The following FAM120A variants were observed in gnomAD, a reference collection of about 807,000 sequenced individuals.
The protein encoded by FAM120A is family with sequence similarity 120 member A, also known as constitutive coactivator of PPAR-gamma-like protein 1.
In FAM120A, 15 loss-of-function variants were observed where a neutral mutation model predicts 109.7. The ratio of observed to expected loss-of-function variants is 0.14; its 90% CI spans 0.09 to 0.21. FAM120A has a LOEUF of 0.21. Among genes scored for constraint, FAM120A ranks in the 10% least tolerant of loss-of-function variants. The pLI is 1.00. For synonymous variants in FAM120A, 493 were observed against 572.8 expected (o/e 0.86, Z 1.99); for missense variants, 899 against 1,439.3 (o/e 0.62, Z 6.07).
At chr9:93,558,517 C>G in intron 14 of FAM120A, 64 bp from the exon 15 acceptor site, 2 of 1,579,846 alleles carry the variant, frequency 1.3e-6, no homozygotes, top group Non-Finnish European at 1.7e-6. Context: ...GCCTGAATAC[C>G]CAGCAGGGCC....
intron 7 of FAM120A, among the ~76,000 whole-genome samples, chr9:93,521,943 G>A (rs1182095236): frequency 2.0e-5 from 3 of 152,158 alleles, no homozygotes; most frequent in African/African-American, 7.2e-5. Context: ...AGCTGGACGT[G>A]GTTGTGTTTG....
chr9:93,470,771 T>C (rs1453507467), intron 1 of FAM120A, among the ~76,000 whole-genome samples: 3 of 152,230 alleles, frequency 2.0e-5, no homozygotes, highest in Non-Finnish European at 4.4e-5. Context: ...GTCTCCTTTC[T>C]CACAGAACTC....
chr9:93,549,199 T>C (rs550897588), intron 11 of FAM120A, among the ~76,000 whole-genome samples: 1 of 152,380 alleles, frequency 6.6e-6, no homozygotes, highest in Non-Finnish European at 1.5e-5. Flanking sequence ...CACTCTTTTA[T>C]GTATCTCATC....
In FAM120A at chr9:93,564,378, C is replaced by A. The variant is rs370300082; in HGVS notation, c.3195C>A (p.Asn1065Lys). Reference sequence around the variant, plus strand: ...AGGAGAAGCCGGCTCCCCAGATGAACGGGAGCACGGGTGACGCCAGGGCCC... The same window carrying A: ...AGGAGAAGCCGGCTCCCCAGATGAAAGGGAGCACGGGTGACGCCAGGGCCC... ...MAEEKPAPQM[N>K]GSTGDARAPS... The change falls in exon 18 of 18, where the codon AAC becomes AAA. Residue 1065 changes from asparagine to lysine, a missense_variant. By Grantham distance (94) the Asn-to-Lys change is moderately conservative (BLOSUM62 0). Around this residue, in one of 11 missense-constraint regions of FAM120A, gnomAD observed 170 missense variants for 205.0 expected, o/e 0.83. Transcript: ENST00000277165. The A allele has an allele frequency of 6.2e-7, 1 of 1,612,658 alleles. No individual in the cohort carries two copies. Among genetic ancestry groups the A allele is most frequent in the Admixed American group, 1.7e-5 (1 of 60,024 alleles).
intron 1 of FAM120A, among the ~76,000 whole-genome samples, chr9:93,465,096 G>A (rs1402004935): frequency 6.6e-6 from 1 of 152,172 alleles, no homozygotes; most frequent in East Asian, 1.9e-4. Context: ...AACAGCAGGG[G>A]AGCTCAAGTC....
intron 7 of FAM120A, among the ~76,000 whole-genome samples, chr9:93,523,067 G>T (rs1860910839): frequency 6.6e-6 from 1 of 152,186 alleles, no homozygotes; most frequent in Non-Finnish European, 1.5e-5. Context: ...TATTAAATTA[G>T]CTGATGAAAA....
chr9:93,453,436 G>A (rs892093846), intron 1 of FAM120A: 2 of 985,260 alleles, frequency 2.0e-6, no homozygotes, highest in East Asian at 1.1e-4. Context: ...AAATTTTGGG[G>A]GCCTTTTTGT....
At chr9:93,561,084 G>C in intron 15 of FAM120A, 25 bp from the exon 16 acceptor site, 1 of 1,609,760 alleles carries the variant, frequency 6.2e-7, no homozygotes, top group Non-Finnish European at 8.5e-7. Context: ...TAAAGATTTT[G>C]TCTTTTTGTA....
rs1225192154 is a variant in FAM120A at position 93,515,590 on chromosome 9, GGGCTGGCCCCCAGGATGCCCT to G, written c.1031-74_1031-54del. The G allele has an allele frequency of 2.8e-5, 9 of 319,546 alleles. No individual in the cohort carries two copies. In the East Asian group the frequency reaches 4.0e-4, roughly 14 times the overall value. 19.8% of individuals were successfully genotyped at this position (319,546 alleles called of 1,614,324 possible). On this transcript the variant is annotated intron_variant, in intron 5 of 17. Coordinates refer to ENST00000277165, the MANE Select transcript of FAM120A (RefSeq NM_014612.5). ...GTGAGGGTGAGATCCCTGGCGCCAT[GGGCTGGCCCCCAGGATGCCCT>G]GGAAAACGCATTCTGTTCACAGCTG...
rs1358656236 is a variant in FAM120A at position 93,565,553 on chromosome 9, C to G, written c.*1013C>G. 1 of 152,222 alleles carries G rather than the reference C, an allele frequency of 6.6e-6. No homozygotes were observed. The highest frequency in any genetic ancestry group is 1.9e-4 in the East Asian group (1 of 5,200). 9.4% of individuals were successfully genotyped at this position (152,222 alleles called of 1,614,324 possible). A position where few individuals can be genotyped will look rare whatever the true frequency, so the allele number is the denominator to read the frequency against. ...GACCTCTGTTGCATTTATTCTAAAG[C>G]CCCCCAAAAATTATCTAGCCGTTTC... On this transcript the variant is annotated 3_prime_UTR_variant, in exon 18 of 18. Transcript: ENST00000277165.
intron 5 of FAM120A, among the ~76,000 whole-genome samples, chr9:93,506,787 G>A (rs1432490252): frequency 9.9e-5 from 15 of 151,840 alleles, no homozygotes; most frequent in East Asian, 5.8e-4. Flanking sequence ...TAGTAGAGAC[G>A]GGGTTTCACT....
rs10739950 is a variant in FAM120A at position 93,526,987 on chromosome 9, C to T, written c.1419-168C>T. ...CCATAGTATGTGGTTATCACCTACC[C>T]TTTTGAAGCAGGAAGAAATATTAGT... On this transcript the variant is annotated intron_variant, in intron 7 of 17. Transcript: ENST00000277165. 0.28 allele frequency among the ~76,000 whole-genome samples: 42,442 copies of T among 152,058 alleles called. 6,991 individuals are homozygous for T. Among genetic ancestry groups the T allele is most frequent in the East Asian group, 0.42 (2,159 of 5,156 alleles).
chr9:93,455,878 G>C (rs1328045750), intron 1 of FAM120A, among the ~76,000 whole-genome samples: 2 of 152,150 alleles, frequency 1.3e-5, no homozygotes, highest in Non-Finnish European at 1.5e-5. Flanking sequence ...GGCCAGGCTG[G>C]TCTTGAGCTC....
chr9:93,515,786 T>TG lies in FAM120A; in HGVS notation c.1131+22dup. 1 of 467,268 alleles carries TG rather than the reference T, an allele frequency of 2.1e-6. No homozygotes were observed. Among genetic ancestry groups the TG allele is most frequent in the Non-Finnish European group, 3.6e-6 (1 of 277,978 alleles). 28.9% of individuals were successfully genotyped at this position (467,268 alleles called of 1,614,324 possible). A position where few individuals can be genotyped will look rare whatever the true frequency, so the allele number is the denominator to read the frequency against. On this transcript the variant is annotated intron_variant, in intron 6 of 17. Coordinates refer to ENST00000277165, the MANE Select transcript of FAM120A (RefSeq NM_014612.5). ...GCCCGTGGTAAGGCCTTCCCTGCGT[T>TG]GGGTCGGGTGGCGGGTCTCAGACAG...
chr9:93,524,035 C>T (rs1588879904), intron 7 of FAM120A, among the ~76,000 whole-genome samples: 1 of 152,226 alleles, frequency 6.6e-6, no homozygotes, highest in Non-Finnish European at 1.5e-5. Context: ...TTGCCCTGCA[C>T]CAGCAGGGCC....
At chr9:93,454,336 A>T (rs1857450014) in intron 1 of FAM120A, among the ~76,000 whole-genome samples, 1 of 152,154 alleles carries the variant, frequency 6.6e-6, no homozygotes, top group African/African-American at 2.4e-5. Flanking sequence ...CCTTTTTGAA[A>T]AGTGCCTAAG....
chr9:93,474,936 C>T (rs937675817), intron 2 of FAM120A, among the ~76,000 whole-genome samples: 12 of 152,128 alleles, frequency 7.9e-5, no homozygotes, highest in African/African-American at 1.4e-4. Flanking sequence ...AATCCATTAA[C>T]GGGAAAACAA....
intron 7 of FAM120A, among the ~76,000 whole-genome samples, chr9:93,519,218 T>G (rs1410284877): frequency 6.6e-6 from 1 of 152,118 alleles, no homozygotes; most frequent in Non-Finnish European, 1.5e-5. Context: ...ATATTGATGG[T>G]AGAAATGTTT....
At chr9:93,562,167 C>T (rs1862491035) in intron 16 of FAM120A, 41 bp from the exon 17 acceptor site, 2 of 1,456,494 alleles carry the variant, frequency 1.4e-6, no homozygotes, top group Admixed American at 3.4e-5. Context: ...TTGTCTGTAA[C>T]AGATTTAAGT....
Sources: gnomAD v4.1 joint callset for allele counts (sites outside exome capture counted in the v4.1 genomes callset) on GRCh38, gnomAD v4.1.1 for gene constraint, gnomAD v4.1.1 regional missense constraint, MANE v1.5 for transcripts, NCBI Gene and HGNC (gene_info 2026-07-23, HGNC 2026-07-21) for gene names.